The following KLHL32 variants were observed in gnomAD, a reference collection of about 807,000 sequenced individuals.
KLHL32 encodes kelch like family member 32.
Under a neutral mutation model 64.8 loss-of-function variants are expected in KLHL32, and 35 were observed. The observed-to-expected ratio is 0.54, with a 90% CI of 0.41 to 0.72. The LOEUF (loss-of-function observed/expected upper bound fraction) is 0.72, where lower values mean the gene tolerates loss of function less well. KLHL32 is among the 30% of genes least tolerant of loss of function. The pLI is 0.00. For missense variants in KLHL32, 589 were observed against 768.5 expected (o/e 0.77, Z 2.76); for synonymous variants, 259 against 281.0 (o/e 0.92, Z 0.78).
At chr6:97,064,964 G>C (rs1033879566) in intron 5 of KLHL32, among the ~76,000 whole-genome samples, 4 of 152,126 alleles carry the variant, frequency 2.6e-5, no homozygotes, top group Non-Finnish European at 5.9e-5. Context: ...AGGTCCCCAC[G>C]ACCATTGAGC....
intron 3 of KLHL32, among the ~76,000 whole-genome samples, chr6:96,992,288 T>G (rs954967490): frequency 1.3e-5 from 2 of 152,202 alleles, no homozygotes; most frequent in Non-Finnish European, 2.9e-5. Context: ...GGACTCTCAC[T>G]GACTCACTCA....
chr6:97,104,512 C>T (rs1007623545), intron 6 of KLHL32, among the ~76,000 whole-genome samples: 4 of 152,140 alleles, frequency 2.6e-5, no homozygotes, highest in African/African-American at 9.7e-5. Context: ...TTATTATCAT[C>T]TGTGATAAGC....
intron 3 of KLHL32, among the ~76,000 whole-genome samples, chr6:97,004,537 G>A (rs1779425853): frequency 6.6e-6 from 1 of 152,094 alleles, no homozygotes; most frequent in Non-Finnish European, 1.5e-5. Context: ...GTGAGAGTGG[G>A]CATTCTTGTC....
At chr6:96,976,924 T>C (rs1039438677) in intron 3 of KLHL32, among the ~76,000 whole-genome samples, 1 of 152,160 alleles carries the variant, frequency 6.6e-6, no homozygotes, top group Non-Finnish European at 1.5e-5. Context: ...TGCTTTCTAA[T>C]TATTTGCTCC....
At chr6:97,020,901 C>G (rs1046584715) in intron 3 of KLHL32, among the ~76,000 whole-genome samples, 1 of 150,806 alleles carries the variant, frequency 6.6e-6, no homozygotes, top group Non-Finnish European at 1.5e-5. Flanking sequence ...GTCCTTCCAC[C>G]TTGCTGTCTC....
chr6:97,003,160 T>C (rs1300166987), intron 3 of KLHL32, among the ~76,000 whole-genome samples: 1 of 152,162 alleles, frequency 6.6e-6, no homozygotes, highest in Non-Finnish European at 1.5e-5. Flanking sequence ...CCAGCATCTG[T>C]TATTTTCTGA....
At chr6:97,024,792 T>G (rs17057258) in intron 3 of KLHL32, among the ~76,000 whole-genome samples, 12,236 of 152,218 alleles carry the variant, frequency 0.08, 1,039 homozygotes, top group Admixed American at 0.22. Flanking sequence ...AAAATAGTTT[T>G]AAAGTAATAA....
intron 6 of KLHL32, among the ~76,000 whole-genome samples, chr6:97,094,853 G>T (rs1350559563): frequency 6.6e-6 from 1 of 152,156 alleles, no homozygotes; most frequent in Non-Finnish European, 1.5e-5. Flanking sequence ...TATCTTCTTT[G>T]TGTGTGTTCT....
chr6:97,080,457 A>G (rs1239075601), intron 5 of KLHL32, among the ~76,000 whole-genome samples: 2 of 152,248 alleles, frequency 1.3e-5, no homozygotes, highest in African/African-American at 4.8e-5. Context: ...CCAGGGACAC[A>G]CAAGGCATGA....
intron 2 of KLHL32, among the ~76,000 whole-genome samples, chr6:96,967,986 A>T (rs1210636571): frequency 1.3e-5 from 2 of 152,228 alleles, no homozygotes; most frequent in Non-Finnish European, 2.9e-5. Flanking sequence ...CAGTCAAAAT[A>T]TCTTCAGAGC....
the KLHL32 span, among the ~76,000 whole-genome samples, chr6:96,898,628 C>T: frequency 6.6e-6 from 1 of 152,058 alleles, no homozygotes; most frequent in Admixed American, 6.5e-5. Flanking sequence ...TCTCTTCTCT[C>T]TTGCCTTCTT....
intron 5 of KLHL32, among the ~76,000 whole-genome samples, chr6:97,065,446 A>G (rs528727121): frequency 1.3e-5 from 2 of 152,272 alleles, no homozygotes; most frequent in African/African-American, 2.4e-5. Context: ...TCTTGGTTGG[A>G]TGAAAACTTC....
intron 3 of KLHL32, among the ~76,000 whole-genome samples, chr6:97,001,873 G>A (rs1779078610): frequency 6.6e-6 from 1 of 152,112 alleles, no homozygotes; most frequent in African/African-American, 2.4e-5. Context: ...TCATCTAGAC[G>A]TATGTATATG....
intron 3 of KLHL32, among the ~76,000 whole-genome samples, chr6:97,023,390 T>A (rs1198770717): frequency 6.6e-6 from 1 of 152,244 alleles, no homozygotes; most frequent in Non-Finnish European, 1.5e-5. Flanking sequence ...AATATAAAAC[T>A]GATCAGTGTA....
At chr6:96,984,191 C>T (rs991172173) in intron 3 of KLHL32, among the ~76,000 whole-genome samples, 5 of 152,080 alleles carry the variant, frequency 3.3e-5, no homozygotes, top group Non-Finnish European at 5.9e-5. Context: ...TGAGCAGTTT[C>T]GAGTCAGTTT....
upstream of KLHL32, among the ~76,000 whole-genome samples, chr6:96,922,902 C>T (rs1768796739): frequency 6.6e-6 from 1 of 152,042 alleles, no homozygotes; most frequent in Non-Finnish European, 1.5e-5. Flanking sequence ...ACTAAGGAGC[C>T]ATTTAGGAAA....
chr6:96,937,709 C>G (rs966931070), intron 1 of KLHL32, among the ~76,000 whole-genome samples: 1 of 152,174 alleles, frequency 6.6e-6, no homozygotes, highest in Non-Finnish European at 1.5e-5. Context: ...CCACTTCCTC[C>G]CGTGTCCCCC....
chr6:97,088,142 T>G (rs747251417), intron 6 of KLHL32, among the ~76,000 whole-genome samples: 12 of 152,174 alleles, frequency 7.9e-5, no homozygotes, highest in Non-Finnish European at 1.5e-4. Context: ...AGAGGTAACA[T>G]AGAGAGTTGT....
At chr6:97,057,766 A>G (rs1788250824) in intron 4 of KLHL32, among the ~76,000 whole-genome samples, 5 of 152,178 alleles carry the variant, frequency 3.3e-5, no homozygotes, top group Non-Finnish European at 7.4e-5. Context: ...GTTGTCAATT[A>G]TGTCTTTCAT....
Sources: allele counts gnomAD v4.1 joint callset (sites outside exome capture counted in the v4.1 genomes callset), GRCh38; gene constraint gnomAD v4.1.1; transcripts MANE v1.5; gene names NCBI Gene and HGNC (gene_info 2026-07-23, HGNC 2026-07-21).